Variants in SCUBE2 observed in about 807,000 individuals in gnomAD.
The protein encoded by SCUBE2 is signal peptide, CUB domain and EGF like domain containing 2, also known as signal peptide, CUB and EGF-like domain-containing protein 2.
A neutral mutation model predicts 125.9 loss-of-function variants in SCUBE2; 114 were observed. The observed-to-expected ratio is 0.91, with a 90% CI of 0.78 to 1.06. The LOEUF is 1.06. Among genes scored for constraint, SCUBE2 ranks in the 50% least tolerant of loss-of-function variants. SCUBE2 has a pLI of 0.00. For synonymous variants in SCUBE2, 459 were observed against 492.9 expected (o/e 0.93, Z 0.91); for missense variants, 1,255 against 1,301.8 (o/e 0.96, Z 0.55).
intron 4 of SCUBE2, among the ~76,000 whole-genome samples, chr11:9,073,201 C>T (rs1307877802): frequency 6.6e-6 from 1 of 152,212 alleles, no homozygotes; most frequent in Non-Finnish European, 1.5e-5. Flanking sequence ...ATTTGGCCTA[C>T]ATTGGACAAG....
chr11:9,026,230 ATTTAAT>A (rs1855746837), intron 20 of SCUBE2: 1 of 166,178 alleles, frequency 6.0e-6, no homozygotes, highest in South Asian at 1.8e-4. Context: ...ACTTTGTCTC[ATTTAAT>A]CTTCTGAAAA....
Position 9,020,425 on chromosome 11 carries a change from T to A in SCUBE2, c.*620A>T, listed in dbSNP as rs1391892773. 1 of 150,744 alleles carries A rather than the reference T, an allele frequency of 6.6e-6. No individual in the cohort carries two copies. Among genetic ancestry groups the A allele is most frequent in the Non-Finnish European group, 1.5e-5 (1 of 67,502 alleles). The allele number at this position is 150,744 out of a possible 1,614,324, so 9.3% of individuals were successfully genotyped here. ...GTGCTTAGTTTTTATTTATTTCTAA[T>A]TCTTTCTGCTTTTTTTTTTCACGAG... On this transcript the variant is annotated 3_prime_UTR_variant, in exon 23 of 23. Transcript: ENST00000649792.
intron 10 of SCUBE2, among the ~76,000 whole-genome samples, chr11:9,055,537 G>A (rs1251917351): frequency 6.6e-6 from 1 of 152,184 alleles, no homozygotes; most frequent in Non-Finnish European, 1.5e-5. Context: ...CAATCAAGTC[G>A]ATAGAGAATT....
chr11:9,072,645 T>C (rs928926453), intron 4 of SCUBE2, among the ~76,000 whole-genome samples: 2 of 152,198 alleles, frequency 1.3e-5, no homozygotes, highest in Non-Finnish European at 2.9e-5. Context: ...CCGTTACCAA[T>C]TGCTATAATC....
chr11:9,021,205 G>T lies in SCUBE2; in HGVS notation c.2935-8C>A. The T allele has an allele frequency of 6.5e-7, 1 of 1,544,152 alleles. No individual in the cohort carries two copies. Among genetic ancestry groups the T allele is most frequent in the Non-Finnish European group, 8.7e-7 (1 of 1,146,576 alleles). On this transcript the variant is annotated splice_polypyrimidine_tract_variant and splice_region_variant and intron_variant, in intron 22 of 22. Transcript: ENST00000649792. Reference sequence around the variant, plus strand: ...CTTGATAAGTTTCTTATCCTAAAAAGAACAGAATTTTTGTTACTGGGCCAA... The same window carrying T: ...CTTGATAAGTTTCTTATCCTAAAAATAACAGAATTTTTGTTACTGGGCCAA...
chr11:9,027,954 A>G (rs1420244598), intron 19 of SCUBE2, among the ~76,000 whole-genome samples: 5 of 152,186 alleles, frequency 3.3e-5, no homozygotes, highest in Non-Finnish European at 5.9e-5. Flanking sequence ...TGCAGAGACT[A>G]TCTGACCCTT....
chr11:9,065,944 T>C lies in SCUBE2; in HGVS notation c.797A>G (p.Asn266Ser), dbSNP rs774930665. 1.2e-5 allele frequency: 19 copies of C among 1,613,990 alleles called. No homozygotes were observed. The highest frequency in any genetic ancestry group is 3.3e-4 in the Middle Eastern group (2 of 6,084). ...EDTVLEVTES[N>S]TTSVVDGDKR... ...ATCCCCATCCACCACTGATGTGGTG[T>C]TGCTCTCTGTCACCTCCAGGACAGT... Residue 266 changes from asparagine to serine, a missense_variant, in exon 7 of 23, where the codon AAC becomes AGC. Transcript: ENST00000649792.
At chr11:9,089,125 CA>C (rs1330656563) in intron 2 of SCUBE2, among the ~76,000 whole-genome samples, 1 of 152,232 alleles carries the variant, frequency 6.6e-6, no homozygotes, top group Admixed American at 6.5e-5. Flanking sequence ...CACAGGTTCT[CA>C]GACCTGCAGC....
intron 19 of SCUBE2, 77 bp downstream of exon 19, chr11:9,029,807 G>A (rs765961193): frequency 1.8e-5 from 28 of 1,524,392 alleles, no homozygotes; most frequent in African/African-American, 2.7e-5. Flanking sequence ...CCTCTGCCCC[G>A]TGCCCCCTGC....
intron 21 of SCUBE2, 65 bp from the exon 22 acceptor site, chr11:9,022,020 C>T (rs1855338811): frequency 6.5e-6 from 8 of 1,221,378 alleles, no homozygotes; most frequent in African/African-American, 4.5e-5. Flanking sequence ...CACTCTTTCA[C>T]TTTTTGATAA....
chr11:9,053,825 T>C (rs1858695279), intron 10 of SCUBE2, 66 bp from the exon 11 acceptor site: 2 of 1,569,336 alleles, frequency 1.3e-6, no homozygotes, highest in South Asian at 2.3e-5. Flanking sequence ...GGTCCCTCCC[T>C]TGAGGAAGGA....
At chr11:9,024,139 C>T (rs1855534300) in intron 21 of SCUBE2, 30 of 937,130 alleles carry the variant, frequency 3.2e-5, no homozygotes, top group Non-Finnish European at 3.9e-5. Context: ...TAATTTTCCC[C>T]AGTTGGAGCT....
At chr11:9,077,974 C>A (rs889977894) in intron 3 of SCUBE2, among the ~76,000 whole-genome samples, 1 of 152,240 alleles carries the variant, frequency 6.6e-6, no homozygotes, top group Non-Finnish European at 1.5e-5. Context: ...TATACTACCC[C>A]CCGCCACCCC....
At chr11:9,089,596 G>C (rs1304504739) in intron 2 of SCUBE2, 111 bp downstream of exon 2, 9 of 1,228,322 alleles carry the variant, frequency 7.3e-6, no homozygotes, top group Non-Finnish European at 9.2e-6. Flanking sequence ...TCAGGGGCTG[G>C]GGGAAAGGGA....
intron 16 of SCUBE2, among the ~76,000 whole-genome samples, chr11:9,041,206 T>C (rs1402122604): frequency 6.6e-6 from 1 of 152,238 alleles, no homozygotes; most frequent in African/African-American, 2.4e-5. Flanking sequence ...ATAGTGTAAG[T>C]ATATAGTTTA....
rs138426692 is a variant in SCUBE2, at chr11:9,025,798, C to G, written c.2758G>C (p.Ala920Pro). The G allele has an allele frequency of 6.2e-7, 1 of 1,614,098 alleles. No homozygotes were observed. Among genetic ancestry groups the G allele is most frequent in the Admixed American group, 1.7e-5 (1 of 60,008 alleles). ...AGCTTCTTTGACCTGGAGGTGAAGG[C>G]GATGGGGCGTTCGTAGGTCTGGCAG... Reference protein sequence around the residue: ...ETCQTYERPIAFTSRSKKLWI... With the variant: ...ETCQTYERPIPFTSRSKKLWI... Residue 920 changes from alanine (A) to proline (P), a missense_variant, in exon 21 of 23, where the codon GCC becomes CCC. Ala to Pro is a conservative substitution (Grantham distance 27). Around this residue, in one of 3 missense-constraint regions of SCUBE2, gnomAD observed 515 missense variants for 515.7 expected, o/e 1.00. Coordinates refer to ENST00000649792, the MANE Select transcript of SCUBE2 (RefSeq NM_001367977.2).
In SCUBE2 at chr11:9,060,646, C is replaced by T. The variant is rs957144966; in HGVS notation, c.851-122G>A. 2.1e-5 allele frequency: 16 copies of T among 745,334 alleles called. No individual in the cohort carries two copies. The African/African-American group carries it at 2.2e-4, about 10-fold the overall frequency. 46.2% of individuals were successfully genotyped at this position (745,334 alleles called of 1,614,324 possible). ...TGGTCATACCCCAAGTCTCTGCTAC[C>T]TGCAGATGGGCTAGAGGGAGAGCAG... On this transcript the variant is annotated intron_variant, in intron 7 of 22. Coordinates refer to ENST00000649792, the MANE Select transcript of SCUBE2 (RefSeq NM_001367977.2).
chr11:9,072,554 T>C (rs1860894384), intron 4 of SCUBE2, among the ~76,000 whole-genome samples: 1 of 152,202 alleles, frequency 6.6e-6, no homozygotes, highest in African/African-American at 2.4e-5. Flanking sequence ...TTAATGTGCA[T>C]ATCAGAGAGG....
intron 16 of SCUBE2, among the ~76,000 whole-genome samples, chr11:9,041,206 T>A (rs1402122604): frequency 6.6e-6 from 1 of 152,238 alleles, no homozygotes; most frequent in Non-Finnish European, 1.5e-5. Flanking sequence ...ATAGTGTAAG[T>A]ATATAGTTTA....
Sources: gnomAD v4.1 joint callset for allele counts (sites outside exome capture counted in the v4.1 genomes callset) on GRCh38, gnomAD v4.1.1 for gene constraint, gnomAD v4.1.1 regional missense constraint, MANE v1.5 for transcripts, NCBI Gene and HGNC (gene_info 2026-07-23, HGNC 2026-07-21) for gene names.